RIBC1: variants seen among roughly 807,000 people sequenced by gnomAD.
The protein encoded by RIBC1 is RIB43A domain with coiled-coils 1.
In RIBC1, 12 loss-of-function variants were observed where a neutral mutation model predicts 33.7. The ratio of observed to expected loss-of-function variants is 0.36; its 90% CI spans 0.23 to 0.58. RIBC1 has a LOEUF of 0.58. Among genes scored for constraint, RIBC1 ranks in the 20% least tolerant of loss-of-function variants. The pLI is 0.81. For missense variants in RIBC1, 242 were observed against 311.6 expected, an observed-to-expected ratio of 0.78 and a Z score of 1.68; for synonymous variants, 89 against 109.0, an observed-to-expected ratio of 0.82 and a Z score of 1.14.
At chrX:53,430,825 C>A in intron 7 of RIBC1, 35 bp downstream of exon 7, 1 of 1,205,796 alleles carries the variant, frequency 8.3e-7, no homozygotes, top group Non-Finnish European at 1.1e-6. Flanking sequence ...AGATAAATGC[C>A]AAGGGAGGGA....
chrX:53,428,687 C>A, intron 5 of RIBC1, 60 bp downstream of exon 5: 1 of 1,187,978 alleles, frequency 8.4e-7, no homozygotes, highest in Non-Finnish European at 1.1e-6. Context: ...CTGTCCTAAG[C>A]TGAGTACAGC....
At chrX:53,429,811 G>A in intron 5 of RIBC1, 43 bp from the exon 6 acceptor site, 1 of 1,175,679 alleles carries the variant, frequency 8.5e-7, no homozygotes, top group Non-Finnish European at 1.1e-6. Context: ...AAACAGGAAT[G>A]GAGCAAGCCA....
chrX:53,428,861 C>T lies in RIBC1; in HGVS notation c.544+234C>T. The T allele has an allele frequency of 3.0e-6, 3 of 1,013,270 alleles. No individual in the cohort carries two copies. The East Asian group carries it at 1.0e-4, about 35-fold the overall frequency. 83.5% of individuals were successfully genotyped at this position (1,013,270 alleles called of 1,213,427 possible). ...TCCATTACGTGGAGGCAGCACAGTG[C>T]AGACAGACCTAATGGCTCTGCCACT... On this transcript the variant is annotated intron_variant, in intron 5 of 7. Coordinates refer to ENST00000375327, the MANE Select transcript of RIBC1 (RefSeq NM_001031745.5).
Position 53,428,039 on chromosome X carries a change from C to T in RIBC1, c.154C>T (p.Arg52Ter). The T allele has an allele frequency of 1.7e-6, 2 of 1,211,219 alleles. No homozygotes were observed. Among genetic ancestry groups the T allele is most frequent in the Non-Finnish European group, 2.2e-6 (2 of 895,298 alleles). ...VQALNNQVGD[R>*]KRREAAERSK... ...GGCCCTGAACAACCAGGTGGGAGAC[C>T]GAAAGCGTCGGGAAGCAGCAGAAAG... The change falls in exon 4 of 8, where the codon CGA becomes TGA. Residue 52 changes from arginine to a stop codon, truncating the protein, a stop_gained. Transcript: ENST00000375327. LOFTEE classifies it high-confidence loss of function.
chrX:53,427,922 A>C, intron 3 of RIBC1, 81 bp from the exon 4 acceptor site: 2 of 798,233 alleles, frequency 2.5e-6, no homozygotes, highest in Non-Finnish European at 3.8e-6. Flanking sequence ...GAAACAGGTA[A>C]ATTCTAATTA....
intron 2 of RIBC1, among the ~76,000 whole-genome samples, chrX:53,424,538 T>A (rs1403934136): frequency 9.1e-6 from 1 of 109,327 alleles, no homozygotes; most frequent in Non-Finnish European, 1.9e-5. Context: ...TTTTTTTGTA[T>A]TTTTAGTAAA....
chrX:53,424,281 T>A (rs1025774008), intron 2 of RIBC1, among the ~76,000 whole-genome samples: 14 of 109,045 alleles, frequency 1.3e-4, no homozygotes, highest in Non-Finnish European at 2.3e-4. Flanking sequence ...TACAAAAAAA[T>A]TTTAAAAATT....
chrX:53,423,552 A>G (rs1556892650), intron 2 of RIBC1, 150 bp downstream of exon 2: 1 of 111,425 alleles, frequency 9.0e-6, no homozygotes. Flanking sequence ...GCTCTCTATC[A>G]TTAATAAGGC....
chrX:53,430,732 GTAT>G lies in RIBC1; in HGVS notation c.1002_1004del (p.Phe335del). 8.3e-7 allele frequency: 1 copy of G among 1,204,230 alleles called. No homozygotes were observed. The highest frequency in any genetic ancestry group is 1.1e-6 in the Non-Finnish European group (1 of 891,220). On this transcript the variant is annotated inframe_deletion, in exon 7 of 8. Coordinates refer to ENST00000375327, the MANE Select transcript of RIBC1 (RefSeq NM_001031745.5). ...AGAGCAGGAGAGGGAATTGTGTGCT[GTAT>G]TTCAAAGGGGTCTAGGATCCTTCAA...
rs2075805762 is a variant in RIBC1 at position 53,428,700 on chromosome X, C to T, written c.544+73C>T. 4.2e-6 allele frequency: 5 copies of T among 1,177,398 alleles called. No homozygotes were observed. The African/African-American group carries it at 8.8e-5, about 21-fold the overall frequency. On this transcript the variant is annotated intron_variant, in intron 5 of 7. Transcript: ENST00000375327. ...ATCTGTCCTAAGCTGAGTACAGCAGCCAGGGGACCAGAACTGTGTGGGGAG... is the reference window on the plus strand; with the variant it reads ...ATCTGTCCTAAGCTGAGTACAGCAGTCAGGGGACCAGAACTGTGTGGGGAG...
Position 53,422,886 on chromosome X carries a change from A to T in RIBC1, c.-208A>T. The T allele has an allele frequency of 3.4e-6, 1 of 292,246 alleles. No individual in the cohort carries two copies. The highest frequency in any genetic ancestry group is 6.3e-6 in the Non-Finnish European group (1 of 158,261). 24.1% of individuals were successfully genotyped at this position (292,246 alleles called of 1,213,427 possible). On this transcript the variant is annotated 5_prime_UTR_variant, in exon 1 of 8. Coordinates refer to ENST00000375327, the MANE Select transcript of RIBC1 (RefSeq NM_001031745.5). Reference sequence around the variant, plus strand: ...CTCCTGCGGACCAGATCCCCGGAGGAGTTGTTGCTGGGCGGAGTCAGAGCA... The same window carrying T: ...CTCCTGCGGACCAGATCCCCGGAGGTGTTGTTGCTGGGCGGAGTCAGAGCA...
At chrX:53,426,764 T>A (rs1213557011) in intron 3 of RIBC1, among the ~76,000 whole-genome samples, 1 of 112,061 alleles carries the variant, frequency 8.9e-6, no homozygotes, top group Non-Finnish European at 1.9e-5. Context: ...GGTGAGCAGA[T>A]CACACAAGGT....
chrX:53,429,653 T>C (rs948259874), intron 5 of RIBC1: 3 of 1,015,910 alleles, frequency 3.0e-6, no homozygotes, highest in Non-Finnish European at 3.8e-6. Context: ...CCCAGGTCCA[T>C]TGGAGGCATC....
chrX:53,427,783 C>T (rs1226488874), intron 3 of RIBC1, among the ~76,000 whole-genome samples: 1 of 112,172 alleles, frequency 8.9e-6, no homozygotes, highest in African/African-American at 3.2e-5. Flanking sequence ...AAGCACAGCT[C>T]ATAAGGGTAA....
In RIBC1 at chrX:53,423,300, G is replaced by A. The variant is rs1362382157; in HGVS notation, c.-89-14G>A. 1 of 113,495 alleles carries A rather than the reference G, an allele frequency of 8.8e-6. No individual in the cohort carries two copies. Among genetic ancestry groups the A allele is most frequent in the Non-Finnish European group, 1.8e-5 (1 of 54,244 alleles). The allele number at this position is 113,495 out of a possible 1,213,427, so 9.4% of individuals were successfully genotyped here. On this transcript the variant is annotated splice_polypyrimidine_tract_variant and intron_variant, in intron 1 of 7. Transcript: ENST00000375327. Reference sequence around the variant, plus strand: ...TACCCCTATCCCCTGCCTCCCTCCTGTTGTACCAAGCAGAGTTCAGAAACT... The same window carrying A: ...TACCCCTATCCCCTGCCTCCCTCCTATTGTACCAAGCAGAGTTCAGAAACT...
At chrX:53,424,525 T>TA (rs782161890) in intron 2 of RIBC1, among the ~76,000 whole-genome samples, 1 of 109,173 alleles carries the variant, frequency 9.2e-6, no homozygotes, top group Non-Finnish European at 1.9e-5. Flanking sequence ...CACGCCTGGC[T>TA]AATTTTTTTG....
At chrX:53,429,270 G>A (rs1389246093) in intron 5 of RIBC1, 1 of 115,380 alleles carries the variant, frequency 8.7e-6, no homozygotes, top group Non-Finnish European at 1.8e-5. Context: ...GAACAGCAAG[G>A]AGCTCAGTGT....
In RIBC1 at chrX:53,430,679, G is replaced by A. The variant is rs369190193; in HGVS notation, c.947G>A (p.Ser316Asn). Residue 316 changes from serine (S) to asparagine (N), a missense_variant, in exon 7 of 8, where the codon AGC becomes AAC. Ser to Asn is a conservative substitution (Grantham distance 46). Coordinates refer to ENST00000375327, the MANE Select transcript of RIBC1 (RefSeq NM_001031745.5). The part of the protein sequence containing the change: ...LDTEWKSQTM[S>N]SAQAVLELEE... The stretch of plus-strand genomic sequence containing the variant: ...ACTGAATGGAAAAGCCAGACCATGA[G>A]CTCAGCCCAGGCAGTGCTGGAGCTA... 276 of 1,203,679 alleles carry A rather than the reference G, an allele frequency of 2.3e-4. No homozygotes were observed. The highest frequency in any genetic ancestry group is 3.0e-4 in the Non-Finnish European group (268 of 891,735).
At chrX:53,428,128 A>G in intron 4 of RIBC1, 44 bp downstream of exon 4, 1 of 1,196,776 alleles carries the variant, frequency 8.4e-7, no homozygotes, top group Non-Finnish European at 1.1e-6. Flanking sequence ...GTAAAGAAAG[A>G]GCTCGAGTGG....
Sources: allele counts gnomAD v4.1 joint callset (sites outside exome capture counted in the v4.1 genomes callset), GRCh38; gene constraint gnomAD v4.1.1; transcripts MANE v1.5; gene names NCBI Gene and HGNC (gene_info 2026-07-23, HGNC 2026-07-21).